COG6: variants seen among roughly 807,000 people sequenced by gnomAD.
COG6 encodes the protein conserved oligomeric Golgi complex subunit 6.
A neutral mutation model predicts 88.8 loss-of-function variants in COG6; 74 were observed. The observed-to-expected ratio is 0.83, with a 90% CI of 0.69 to 1.01. The LOEUF (loss-of-function observed/expected upper bound fraction) is 1.01, where lower values mean the gene tolerates loss of function less well. Among genes scored for constraint, COG6 ranks in the 50% least tolerant of loss-of-function variants. The pLI is 0.00. For synonymous variants in COG6, 286 were observed against 278.7 expected (o/e 1.03, Z -0.26); for missense variants, 800 against 797.9 (o/e 1.00, Z -0.03).
At chr13:39,788,438 G>A (rs989953907) in exon 19 of COG6, 2 of 1,365,260 alleles carry the variant, frequency 1.5e-6, no homozygotes, top group Non-Finnish European at 2.0e-6. Context: ...ACTCTGCCTT[G>A]GGGACTGGCT....
At chr13:39,753,022 A>G (rs2138152726), downstream of COG6, among the ~76,000 whole-genome samples, 4 of 152,302 alleles carry the variant, frequency 2.6e-5, no homozygotes, top group Admixed American at 2.6e-4. Context: ...TACCTGAGGA[A>G]AAAGATGACA....
chr13:39,658,002 A>G (rs1299641997), intron 1 of COG6, among the ~76,000 whole-genome samples: 2 of 151,874 alleles, frequency 1.3e-5, no homozygotes, highest in African/African-American at 4.8e-5. Flanking sequence ...GCTCTCACTA[A>G]AGAACGTCAC....
chr13:39,776,676 C>T (rs941636404), intron 18 of COG6, among the ~76,000 whole-genome samples: 1 of 152,122 alleles, frequency 6.6e-6, no homozygotes, highest in African/African-American at 2.4e-5. Flanking sequence ...TCAGCCAGTA[C>T]CCTGATGTCT....
chr13:39,744,659 T>C (rs1880238213), intron 18 of COG6, among the ~76,000 whole-genome samples: 1 of 152,180 alleles, frequency 6.6e-6, no homozygotes, highest in Non-Finnish European at 1.5e-5. Flanking sequence ...AGAATCAGTA[T>C]TGTGAAAATG....
intron 16 of COG6, 107 bp downstream of exon 16, chr13:39,723,547 C>G: frequency 2.8e-6 from 2 of 710,512 alleles, no homozygotes; most frequent in South Asian, 3.0e-5. Context: ...TAGCTGTGTT[C>G]TCCTGGGAAA....
chr13:39,733,440 C>G (rs942385502), intron 18 of COG6, among the ~76,000 whole-genome samples: 1 of 152,016 alleles, frequency 6.6e-6, no homozygotes, highest in Non-Finnish European at 1.5e-5. Flanking sequence ...CTGCCCACCT[C>G]GTCCTCCCAA....
chr13:39,717,748 C>CTAG (rs1178766754), intron 13 of COG6, among the ~76,000 whole-genome samples: 2 of 152,034 alleles, frequency 1.3e-5, no homozygotes, highest in Non-Finnish European at 2.9e-5. Context: ...GCCTGTAGTC[C>CTAG]TAGCTGTTAA....
intron 13 of COG6, among the ~76,000 whole-genome samples, chr13:39,706,258 T>TATAG (rs1416405189): frequency 6.5e-5 from 8 of 123,658 alleles, no homozygotes; most frequent in African/African-American, 2.2e-4. Flanking sequence ...TACTCCTTTA[T>TATAG]ATATATATAT....
At chr13:39,787,725 GA>G (rs1184042121) in intron 18 of COG6, among the ~76,000 whole-genome samples, 3 of 151,800 alleles carry the variant, frequency 2.0e-5, no homozygotes, top group Admixed American at 6.6e-5. Context: ...AAATATTTGG[GA>G]AAAAAACAAC....
intron 8 of COG6, chr13:39,682,598 A>G: frequency 4.0e-6 from 1 of 248,324 alleles, no homozygotes; most frequent in South Asian, 5.1e-5. Context: ...ATACTTCCCT[A>G]CAGAGACTGA....
At chr13:39,759,121 A>C (rs1000269173) in intron 18 of COG6, among the ~76,000 whole-genome samples, 5 of 151,892 alleles carry the variant, frequency 3.3e-5, no homozygotes, top group Admixed American at 6.6e-5. Flanking sequence ...GAGTGATAGA[A>C]ATGTCCTGGA....
intron 15 of COG6, among the ~76,000 whole-genome samples, 181 bp downstream of exon 15, chr13:39,720,008 C>CACAG (rs1282560174): frequency 1.3e-5 from 2 of 151,374 alleles, no homozygotes; most frequent in Non-Finnish European, 3.0e-5. Flanking sequence ...CACACACACA[C>CACAG]ACACACACAC....
chr13:39,689,920 A>G (rs888813677), intron 11 of COG6, 96 bp downstream of exon 11: 1 of 757,564 alleles, frequency 1.3e-6, no homozygotes, highest in Non-Finnish European at 2.3e-6. Context: ...CTCAAATACA[A>G]TCTATAATTT....
chr13:39,725,381 G>A (rs1879078600), intron 17 of COG6, among the ~76,000 whole-genome samples: 1 of 151,838 alleles, frequency 6.6e-6, no homozygotes, highest in Non-Finnish European at 1.5e-5. Flanking sequence ...GTGATCCTAA[G>A]TATTTAAAAT....
At chr13:39,717,669 C>A (rs569115849) in intron 13 of COG6, among the ~76,000 whole-genome samples, 1 of 152,118 alleles carries the variant, frequency 6.6e-6, no homozygotes, top group Admixed American at 6.6e-5. Context: ...GAGTTTGAGA[C>A]CAGCCTGGGC....
chr13:39,728,157 G>T (rs1262726076), intron 18 of COG6, among the ~76,000 whole-genome samples: 1 of 152,064 alleles, frequency 6.6e-6, no homozygotes, highest in Non-Finnish European at 1.5e-5. Context: ...AAACAGCAGT[G>T]CAGTAAGTGT....
At chr13:39,722,567 T>G (rs1419058371) in intron 15 of COG6, among the ~76,000 whole-genome samples, 2 of 150,370 alleles carry the variant, frequency 1.3e-5, no homozygotes, top group Non-Finnish European at 2.9e-5. Flanking sequence ...TGGGGGAACA[T>G]TCTGGTGAGG....
At chr13:39,749,631 C>T (rs532739871) in intron 18 of COG6, among the ~76,000 whole-genome samples, 1 of 152,242 alleles carries the variant, frequency 6.6e-6, no homozygotes, top group South Asian at 2.1e-4. Flanking sequence ...TCAGACAAGA[C>T]TTCATGGATA....
chr13:39,769,522 G>A (rs1881259913), intron 18 of COG6, among the ~76,000 whole-genome samples: 1 of 152,156 alleles, frequency 6.6e-6, no homozygotes, highest in South Asian at 2.1e-4. Flanking sequence ...TTTATTGTGA[G>A]AACTAAAATA....
Sources: gnomAD v4.1 joint callset for allele counts (sites outside exome capture counted in the v4.1 genomes callset) on GRCh38, gnomAD v4.1.1 for gene constraint, MANE v1.5 for transcripts, NCBI Gene and HGNC (gene_info 2026-07-23, HGNC 2026-07-21) for gene names.